The following DTX4 variants were observed in gnomAD, a reference collection of about 807,000 sequenced individuals.
The protein encoded by DTX4 is deltex E3 ubiquitin ligase 4.
Under a neutral mutation model 57.6 loss-of-function variants are expected in DTX4, and 28 were observed. The observed-to-expected ratio is 0.49, with a 90% CI of 0.36 to 0.67. DTX4 has a LOEUF of 0.67. DTX4 is among the 30% of genes least tolerant of loss of function. The pLI, the probability that DTX4 is intolerant of heterozygous loss-of-function variation, is 0.00. For synonymous variants in DTX4, 316 were observed against 331.0 expected (o/e 0.95, Z 0.49); for missense variants, 715 against 836.8 (o/e 0.85, Z 1.80).
intron 6 of DTX4, 142 bp from the exon 7 acceptor site, chr11:59,195,066 G>A (rs1862644996): frequency 9.5e-6 from 8 of 842,042 alleles, no homozygotes; most frequent in South Asian, 8.6e-5. Context: ...GACTGGGCTG[G>A]GAGGGAAAAA....
In DTX4 at chr11:59,192,091, T is replaced by A; in HGVS notation, c.1222-7T>A. On this transcript the variant is annotated splice_polypyrimidine_tract_variant and splice_region_variant and intron_variant, in intron 5 of 8. Coordinates refer to ENST00000227451, the MANE Select transcript of DTX4 (RefSeq NM_015177.2). ...CAGCCTCTCTGCTGTGTCTCCTCCC[T>A]CCCCAGGACTGCACCATCTGTATGG... 2 of 1,608,276 alleles carry A rather than the reference T, an allele frequency of 1.2e-6. No individual in the cohort carries two copies. Among genetic ancestry groups the A allele is most frequent in the South Asian group, 2.2e-5 (2 of 90,932 alleles).
At chr11:59,201,135 C>T (rs1862735845) in intron 8 of DTX4, among the ~76,000 whole-genome samples, 1 of 152,140 alleles carries the variant, frequency 6.6e-6, no homozygotes. Context: ...GTAAATGGTG[C>T]CTTCTCACTG....
chr11:59,204,010 A>T (rs192688919), intron 8 of DTX4, among the ~76,000 whole-genome samples: 1 of 152,296 alleles, frequency 6.6e-6, no homozygotes, highest in Admixed American at 6.5e-5. Context: ...CACTACTCTG[A>T]CCAAGGCCTG....
Position 59,202,035 on chromosome 11 carries a change from TTCATC to T in DTX4, c.1626+2264_1626+2268del, listed in dbSNP as rs542570625. On this transcript the variant is annotated intron_variant, in intron 8 of 8. Coordinates refer to ENST00000227451, the MANE Select transcript of DTX4 (RefSeq NM_015177.2). ...CTGCCACTGCCAACATAGATAAGACTTCATCTTTTACCTGCTACCAGGTTAGTTTC... is the reference window on the plus strand; with the variant it reads ...CTGCCACTGCCAACATAGATAAGACTTTTTACCTGCTACCAGGTTAGTTTC... Among the ~76,000 whole-genome samples the T allele has an allele frequency of 3.9e-3, 598 of 152,358 alleles. 1 individual carries two copies. Among genetic ancestry groups the T allele is most frequent in the Non-Finnish European group, 6.5e-3 (445 of 68,026 alleles).
chr11:59,184,151 C>CT (rs1258215693), intron 2 of DTX4, among the ~76,000 whole-genome samples: 1 of 152,194 alleles, frequency 6.6e-6, no homozygotes, highest in Non-Finnish European at 1.5e-5. Context: ...CTAAACCTTG[C>CT]TGCTGCTTAA....
chr11:59,182,454 C>T lies in DTX4; in HGVS notation c.927C>T (p.Ile309=), dbSNP rs1437508842. ...RLAIAQSRVL[I]ASGVPTVPVK... is the part of the protein sequence containing the mutation. Reference sequence around the variant, plus strand: ...CCATTGCCCAGTCCCGGGTGCTGATCGCCTCTGGGTAAGTGCTTCCACAGC... The same window carrying T: ...CCATTGCCCAGTCCCGGGTGCTGATTGCCTCTGGGTAAGTGCTTCCACAGC... The change falls in exon 2 of 9, where the codon ATC becomes ATT. Residue 309 remains isoleucine (I), a synonymous_variant. Coordinates refer to ENST00000227451, the MANE Select transcript of DTX4 (RefSeq NM_015177.2). 8.1e-6 allele frequency: 13 copies of T among 1,604,606 alleles called. No homozygotes were observed. The highest frequency in any genetic ancestry group is 1.1e-5 in the South Asian group (1 of 89,938).
At chr11:59,179,911 TACACACACAG>T (rs961671904) in intron 1 of DTX4, among the ~76,000 whole-genome samples, 2 of 149,964 alleles carry the variant, frequency 1.3e-5, no homozygotes, top group African/African-American at 2.5e-5. Flanking sequence ...CCTACACACA[TACACACACAG>T]ACACACACAC....
intron 8 of DTX4, among the ~76,000 whole-genome samples, chr11:59,200,204 G>A (rs1862724184): frequency 1.3e-5 from 2 of 152,202 alleles, no homozygotes; most frequent in Non-Finnish European, 2.9e-5. Flanking sequence ...ATCAGATCTT[G>A]TGACACTTAT....
At chr11:59,200,016 G>T (rs1270447145) in intron 8 of DTX4, among the ~76,000 whole-genome samples, 8 of 152,148 alleles carry the variant, frequency 5.3e-5, no homozygotes, top group African/African-American at 1.4e-4. Flanking sequence ...TTCTCACGCT[G>T]CTAATAAAGA....
intron 1 of DTX4, among the ~76,000 whole-genome samples, chr11:59,173,601 T>C (rs1463093338): frequency 6.6e-6 from 1 of 152,116 alleles, no homozygotes; most frequent in African/African-American, 2.4e-5. Context: ...GGAGAAACTG[T>C]CCCCAGGCTT....
At chr11:59,179,392 G>A (rs2135512842) in intron 1 of DTX4, among the ~76,000 whole-genome samples, 1 of 152,368 alleles carries the variant, frequency 6.6e-6, no homozygotes, top group Non-Finnish European at 1.5e-5. Context: ...AACCCAGAGT[G>A]AGAACTTCTG....
intron 2 of DTX4, among the ~76,000 whole-genome samples, chr11:59,183,910 A>G (rs1266144633): frequency 6.6e-6 from 1 of 152,230 alleles, no homozygotes; most frequent in African/African-American, 2.4e-5. Context: ...AGTGTTAAGC[A>G]CAGACATCCT....
Position 59,172,730 on chromosome 11 carries a change from G to A in DTX4, c.135G>A (p.Val45=). Residue 45 remains valine, a synonymous_variant, in exon 1 of 9, where the codon GTG becomes GTA. Coordinates refer to ENST00000227451, the MANE Select transcript of DTX4 (RefSeq NM_015177.2). ...GCCCCCGCGCGGGGGGCAGCGTGGT[G>A]CTGGGCCAGGTGGACAGCCGTCTCG... The part of the protein sequence containing the change: ...RAGPRAGGSV[V]LGQVDSRLAP... 1 of 1,605,074 alleles carries A rather than the reference G, an allele frequency of 6.2e-7. No homozygotes were observed. The highest frequency in any genetic ancestry group is 8.5e-7 in the Non-Finnish European group (1 of 1,177,302).
chr11:59,185,260 G>C (rs1051876796), intron 2 of DTX4: 5 of 152,218 alleles, frequency 3.3e-5, no homozygotes, highest in African/African-American at 1.2e-4. Flanking sequence ...TTGTCCTGCT[G>C]GAGGATTCCT....
Position 59,172,736 on chromosome 11 carries a change from C to A in DTX4, c.141C>A (p.Gly47=). ...GCGCGGGGGGCAGCGTGGTGCTGGG[C>A]CAGGTGGACAGCCGTCTCGCGCCCT... is the stretch of plus-strand genomic sequence containing the variant. ...GPRAGGSVVL[G]QVDSRLAPYI... Residue 47 remains glycine, a synonymous_variant, in exon 1 of 9, where the codon GGC becomes GGA. Coordinates refer to ENST00000227451, the MANE Select transcript of DTX4 (RefSeq NM_015177.2). 1 of 1,605,402 alleles carries A rather than the reference C, an allele frequency of 6.2e-7. No individual in the cohort carries two copies. Among genetic ancestry groups the A allele is most frequent in the Non-Finnish European group, 8.5e-7 (1 of 1,177,436 alleles).
rs369806539 is a variant in DTX4, at chr11:59,186,373, A to G, written c.936-2362A>G. Among the ~76,000 whole-genome samples the G allele has an allele frequency of 1.2e-3, 184 of 152,332 alleles. 2 individuals carry two copies. In the South Asian group the frequency reaches 0.032, roughly 26 times the overall value. On this transcript the variant is annotated intron_variant, in intron 2 of 8. Transcript: ENST00000227451. Reference sequence around the variant, plus strand: ...GGAACAAAGGTGGCTTTTGTCACCCAGATCACAGCTACTTATCAGCTGGAG... The same window carrying G: ...GGAACAAAGGTGGCTTTTGTCACCCGGATCACAGCTACTTATCAGCTGGAG...
upstream of DTX4, among the ~76,000 whole-genome samples, chr11:59,171,730 G>C (rs1862325770): frequency 6.6e-6 from 1 of 152,108 alleles, no homozygotes; most frequent in Non-Finnish European, 1.5e-5. Flanking sequence ...TGGGGTGCGC[G>C]CGCGTGTGTG....
intron 2 of DTX4, among the ~76,000 whole-genome samples, chr11:59,184,259 A>ATT (rs1862500451): frequency 6.6e-6 from 1 of 152,158 alleles, no homozygotes; most frequent in African/African-American, 2.4e-5. Context: ...GCTGGGTAAG[A>ATT]ACCCGTCCTC....
At chr11:59,190,113 AG>A (rs1862578183) in intron 4 of DTX4, among the ~76,000 whole-genome samples, 1 of 152,182 alleles carries the variant, frequency 6.6e-6, no homozygotes, top group South Asian at 2.1e-4. Flanking sequence ...GGGCAACTGG[AG>A]GAAAGGGCCT....
Sources: allele counts gnomAD v4.1 joint callset (sites outside exome capture counted in the v4.1 genomes callset), GRCh38; gene constraint gnomAD v4.1.1; transcripts MANE v1.5; gene names NCBI Gene and HGNC (gene_info 2026-07-23, HGNC 2026-07-21).